Variants in APTX observed in about 807,000 individuals in gnomAD.
The protein encoded by APTX is forkhead-associated domain histidine triad-like protein.
Under a neutral mutation model 42.3 loss-of-function variants are expected in APTX, and 33 were observed. That is an observed-to-expected ratio of 0.78 (90% CI 0.59 to 1.04). The LOEUF is 1.04. APTX is among the 50% of genes least tolerant of loss of function. The pLI is 0.00. For synonymous variants in APTX, 130 were observed against 146.7 expected (o/e 0.89, Z 0.82); for missense variants, 421 against 415.1 (o/e 1.01, Z -0.12).
At chr9:32,995,987 T>C (rs1283830988) in intron 1 of APTX, among the ~76,000 whole-genome samples, 1 of 151,068 alleles carries the variant, frequency 6.6e-6, no homozygotes, top group East Asian at 1.9e-4. Flanking sequence ...AGACCCCCCC[T>C]ACATCAGCAA....
chr9:33,017,800 G>T (rs10971327), intron 1 of APTX, among the ~76,000 whole-genome samples: 10,701 of 152,030 alleles, frequency 0.07, 501 homozygotes, highest in Non-Finnish European at 0.11. Flanking sequence ...GGCTTCATTA[G>T]GTAAGCATGA....
chr9:32,977,984 T>C (rs1829850473), intron 6 of APTX, among the ~76,000 whole-genome samples: 4 of 152,218 alleles, frequency 2.6e-5, no homozygotes, highest in African/African-American at 9.6e-5. Flanking sequence ...GGAAAACTAG[T>C]TGCTTGGCCA....
chr9:32,981,819 G>C (rs1563956177), intron 6 of APTX, among the ~76,000 whole-genome samples: 1 of 152,042 alleles, frequency 6.6e-6, no homozygotes, highest in Non-Finnish European at 1.5e-5. Flanking sequence ...CTTTCACACA[G>C]AATAATTTCA....
chr9:32,986,328 T>C (rs1832126174), intron 4 of APTX, among the ~76,000 whole-genome samples: 1 of 152,142 alleles, frequency 6.6e-6, no homozygotes, highest in Non-Finnish European at 1.5e-5. Flanking sequence ...CCCAAGTAGC[T>C]GGGATTACAG....
chr9:32,986,737 G>A (rs934483609), intron 4 of APTX, among the ~76,000 whole-genome samples: 3 of 151,792 alleles, frequency 2.0e-5, no homozygotes, highest in African/African-American at 7.3e-5. Flanking sequence ...CTGACCTCAG[G>A]TGATCTGCCC....
At chr9:33,010,552 C>T (rs7039294) in intron 1 of APTX, among the ~76,000 whole-genome samples, 50,832 of 150,844 alleles carry the variant, frequency 0.34, 8,779 homozygotes, top group Non-Finnish European at 0.37. Context: ...AAACCCCGTC[C>T]CTACTAAATA....
At chr9:33,018,312 A>G (rs1838067515) in intron 1 of APTX, among the ~76,000 whole-genome samples, 1 of 151,814 alleles carries the variant, frequency 6.6e-6, no homozygotes, top group African/African-American at 2.4e-5. Flanking sequence ...AGGTTTCACC[A>G]TCTCTACTAC....
At chr9:32,983,576 G>T (rs1042655304) in intron 6 of APTX, among the ~76,000 whole-genome samples, 5 of 152,130 alleles carry the variant, frequency 3.3e-5, no homozygotes, top group African/African-American at 4.8e-5. Flanking sequence ...GATTTCATTT[G>T]GTTCAAGTGG....
At chr9:33,009,546 A>C (rs1236553539) in intron 1 of APTX, among the ~76,000 whole-genome samples, 1 of 152,200 alleles carries the variant, frequency 6.6e-6, no homozygotes, top group African/African-American at 2.4e-5. Context: ...TAGGAGGCCG[A>C]GGCAGGAAGA....
intron 1 of APTX, among the ~76,000 whole-genome samples, chr9:32,997,710 G>A (rs777542325): frequency 2.6e-5 from 4 of 152,232 alleles, no homozygotes; most frequent in African/African-American, 4.8e-5. Flanking sequence ...ATGAGGCAGA[G>A]AAGAGGCTGG....
chr9:33,021,861 G>A (rs1012574216), intron 1 of APTX, among the ~76,000 whole-genome samples: 3 of 151,672 alleles, frequency 2.0e-5, no homozygotes, highest in Non-Finnish European at 4.4e-5. Flanking sequence ...TGCAGTGGCA[G>A]GTGTCTGTAG....
intron 1 of APTX, among the ~76,000 whole-genome samples, chr9:33,010,644 G>A (rs567329085): frequency 9.9e-5 from 15 of 151,884 alleles, no homozygotes; most frequent in African/African-American, 2.4e-4. Flanking sequence ...GCTTGAACCC[G>A]GGAGGCAGAG....
chr9:32,978,714 A>G (rs1372318470), intron 6 of APTX, among the ~76,000 whole-genome samples: 2 of 152,164 alleles, frequency 1.3e-5, no homozygotes, highest in African/African-American at 4.8e-5. Flanking sequence ...TGTCCCATAA[A>G]CATTTATGGT....
At chr9:32,975,628 G>A (rs1054548488) in intron 6 of APTX, among the ~76,000 whole-genome samples, 1 of 152,130 alleles carries the variant, frequency 6.6e-6, no homozygotes, top group African/African-American at 2.4e-5. Flanking sequence ...GAACCTAGGA[G>A]GTGGAGGTTG....
rs561856648 is a variant in APTX, at chr9:32,993,267, T to G, written c.-4-3372A>C. Among the ~76,000 whole-genome samples, 8 of 152,350 alleles carry G rather than the reference T, an allele frequency of 5.3e-5. No homozygotes were observed. The East Asian group carries it at 1.2e-3, about 22-fold the overall frequency. On this transcript the variant is annotated intron_variant, in intron 1 of 7. Coordinates refer to ENST00000379817, the MANE Select transcript of APTX (RefSeq NM_001195248.2). ...CTTCCTGAGAAGCTGAAGTAGTGAC[T>G]GCACAACAGTTATGTAACCAACCTT... is the stretch of plus-strand genomic sequence containing the variant.
rs1300399912 is a variant in APTX, at chr9:32,973,266, G to A, written c.*232C>T. Reference sequence around the variant, plus strand: ...GGGTCCTTCTGAAGATGGTGGGTCAGGTATATCCCAGCCACCCTCACCAGA... The same window carrying A: ...GGGTCCTTCTGAAGATGGTGGGTCAAGTATATCCCAGCCACCCTCACCAGA... On this transcript the variant is annotated 3_prime_UTR_variant, in exon 8 of 8. Coordinates refer to ENST00000379817, the MANE Select transcript of APTX (RefSeq NM_001195248.2). 1 of 627,684 alleles carries A rather than the reference G, an allele frequency of 1.6e-6. No homozygotes were observed. The allele number at this position is 627,684 out of a possible 1,614,324, so 38.9% of individuals were successfully genotyped here. A position where few individuals can be genotyped will look rare whatever the true frequency, so the allele number is the denominator to read the frequency against.
intron 6 of APTX, among the ~76,000 whole-genome samples, chr9:32,975,920 T>C (rs188253798): frequency 6.6e-6 from 1 of 152,296 alleles, no homozygotes; most frequent in East Asian, 1.9e-4. Context: ...GGTCTTTCCA[T>C]GGGTATCTGA....
rs1223272140 is a variant in APTX at position 33,019,833 on chromosome 9, C to T, written c.-5+5190G>A. 12 of 644,348 alleles carry T rather than the reference C, an allele frequency of 1.9e-5. No homozygotes were observed. The East Asian group carries it at 1.9e-4, about 10-fold the overall frequency. 39.9% of individuals were successfully genotyped at this position (644,348 alleles called of 1,614,324 possible). On this transcript the variant is annotated intron_variant, in intron 1 of 6. Coordinates refer to the APTX transcript ENST00000436040. ...TTCCAGCGGACGGCCAGGATCCTGC[C>T]GCTCACTGTGAGATCCTTCCCAACC...
At chr9:33,021,937 G>GC (rs1838414914) in intron 1 of APTX, among the ~76,000 whole-genome samples, 1 of 150,454 alleles carries the variant, frequency 6.6e-6, no homozygotes, top group African/African-American at 2.4e-5. Context: ...GCCAGCCTGG[G>GC]CAACACATCA....
Sources: gnomAD v4.1 joint callset for allele counts (sites outside exome capture counted in the v4.1 genomes callset) on GRCh38, gnomAD v4.1.1 for gene constraint, MANE v1.5 for transcripts, NCBI Gene and HGNC (gene_info 2026-07-23, HGNC 2026-07-21) for gene names.